The following ABCB11 variants were observed in gnomAD, a reference collection of about 807,000 sequenced individuals.
ABCB11 encodes ATP binding cassette subfamily B member 11.
A neutral mutation model predicts 148.0 loss-of-function variants in ABCB11; 95 were observed. The observed-to-expected ratio is 0.64, with a 90% CI of 0.54 to 0.76. The LOEUF is 0.76. Among genes scored for constraint, ABCB11 ranks in the 30% least tolerant of loss-of-function variants. The pLI, the probability that ABCB11 is intolerant of heterozygous loss-of-function variation, is 0.00. For synonymous variants in ABCB11, 591 were observed against 555.4 expected (o/e 1.06, Z -0.90); for missense variants, 1,523 against 1,617.8 (o/e 0.94, Z 1.01).
intron 5 of ABCB11, among the ~76,000 whole-genome samples, chr2:169,002,496 C>T (rs1694906115): frequency 6.6e-6 from 1 of 152,162 alleles, no homozygotes; most frequent in Non-Finnish European, 1.5e-5. Flanking sequence ...GATATCTACG[C>T]TCCCATGCAC....
At chr2:168,995,029 C>T (rs1694668857) in intron 7 of ABCB11, among the ~76,000 whole-genome samples, 1 of 151,932 alleles carries the variant, frequency 6.6e-6, no homozygotes, top group African/African-American at 2.4e-5. Context: ...TGTTAATGAC[C>T]TAAACTAGGT....
Position 169,000,242 on chromosome 2 carries a change from T to C in ABCB11, c.390-3520A>G, listed in dbSNP as rs79796332. Among the ~76,000 whole-genome samples the C allele has an allele frequency of 2.1e-3, 319 of 152,234 alleles. 9 individuals are homozygous for C. The East Asian group carries it at 0.048, about 23-fold the overall frequency. ...GGATATACAAGTTGCAAATATGTTC[T>C]CCCAGTCAGTAGCTTGTCTTTTCAT... On this transcript the variant is annotated intron_variant, in intron 5 of 27. Transcript: ENST00000650372.
rs1559202292 is a variant in ABCB11, at chr2:168,958,099, A to T, written c.2208T>A (p.Val736=). The change falls in exon 19 of 28, where the codon GTT becomes GTA. Residue 736 remains valine (V), a synonymous_variant. Coordinates refer to ENST00000650372, the MANE Select transcript of ABCB11 (RefSeq NM_003742.4). ...KDKDIPVQEE[V]EPAPVRRILK... is the part of the protein sequence containing the mutation. ...GAATCCTCCTAACTGGGGCAGGTTC[A>T]ACTTCTTCCTGCACAGGAATGTCCT... is the stretch of plus-strand genomic sequence containing the variant. 1 of 1,611,238 alleles carries T rather than the reference A, an allele frequency of 6.2e-7. No individual in the cohort carries two copies. Among genetic ancestry groups the T allele is most frequent in the Non-Finnish European group, 8.5e-7 (1 of 1,178,146 alleles).
At chr2:168,920,404 T>A (rs518598), downstream of ABCB11, among the ~76,000 whole-genome samples, 1 of 151,752 alleles carries the variant, frequency 6.6e-6, no homozygotes, top group Non-Finnish European at 1.5e-5. Context: ...TAAACTCTCT[T>A]GAACTAGACT....
At chr2:168,964,763 G>A (rs1693226751) in intron 17 of ABCB11, among the ~76,000 whole-genome samples, 1 of 151,816 alleles carries the variant, frequency 6.6e-6, no homozygotes, top group African/African-American at 2.4e-5. Context: ...CAAATGATAT[G>A]AGGAAATAGG....
intron 1 of ABCB11, among the ~76,000 whole-genome samples, chr2:169,020,374 C>A (rs1695499345): frequency 6.6e-6 from 1 of 151,410 alleles, no homozygotes; most frequent in Non-Finnish European, 1.5e-5. Flanking sequence ...TGAAAAAGTA[C>A]CAGTAAAATC....
intron 9 of ABCB11, among the ~76,000 whole-genome samples, chr2:168,990,281 T>C (rs75287353): frequency 0.028 from 4,307 of 152,250 alleles, 199 homozygotes; most frequent in African/African-American, 0.099. Flanking sequence ...TCAATCTCCT[T>C]ACTCATTATT....
Position 168,990,905 on chromosome 2 carries a change from G to A in ABCB11, c.804C>T (p.Asp268=). 2 of 1,612,912 alleles carry A rather than the reference G, an allele frequency of 1.2e-6. No homozygotes were observed. Among genetic ancestry groups the A allele is most frequent in the Non-Finnish European group, 1.7e-6 (2 of 1,179,276 alleles). The change falls in exon 9 of 28, where the codon GAC becomes GAT. Residue 268 remains aspartate (D), a synonymous_variant. Coordinates refer to ENST00000650372, the MANE Select transcript of ABCB11 (RefSeq NM_003742.4). ...TIGLSVSKFT[D]YELKAYAKAG... is the part of the protein sequence containing the mutation. ...CTTTGGCATAGGCCTTCAGCTCATA[G>A]TCCGTAAACTTGGACACACTCTAAA...
At chr2:168,928,430 G>A (rs7607790) in intron 25 of ABCB11, among the ~76,000 whole-genome samples, 14,146 of 151,978 alleles carry the variant, frequency 0.093, 685 homozygotes, top group Admixed American at 0.12. Context: ...AATATTGAAC[G>A]CCTACATTTG....
chr2:168,960,113 T>C (rs1693001627), intron 18 of ABCB11, among the ~76,000 whole-genome samples: 2 of 151,610 alleles, frequency 1.3e-5, no homozygotes, highest in African/African-American at 4.8e-5. Flanking sequence ...TGCTCTCAGA[T>C]TCATGTGGGT....
chr2:168,963,301 A>G (rs1252275345), intron 18 of ABCB11, among the ~76,000 whole-genome samples: 1 of 151,794 alleles, frequency 6.6e-6, no homozygotes, highest in Non-Finnish European at 1.5e-5. Flanking sequence ...AAGTTGATTC[A>G]AACACAAATA....
At position 168,994,425 on chromosome 2, in the gene ABCB11, T is replaced by G. The variant is rs917310792; in HGVS notation, c.612-543A>C. On this transcript the variant is annotated intron_variant, in intron 7 of 27. Transcript: ENST00000650372. ...AAGAGTGCAGATTCTGGAGCCAGAC[T>G]AGGAATTTGAATACAGACTCTTGTT... is the stretch of plus-strand genomic sequence containing the variant. 2.6e-5 allele frequency among the ~76,000 whole-genome samples: 4 copies of G among 152,212 alleles called. No individual in the cohort carries two copies. The East Asian group carries it at 5.8e-4, about 22-fold the overall frequency.
chr2:168,996,794 T>C, intron 5 of ABCB11, 72 bp from the exon 6 acceptor site: 3 of 578,182 alleles, frequency 5.2e-6, no homozygotes, highest in South Asian at 4.9e-5. Flanking sequence ...TTTGTGGATA[T>C]AGAGGGATTT....
intron 9 of ABCB11, among the ~76,000 whole-genome samples, chr2:168,989,011 T>C (rs1694425663): frequency 6.6e-6 from 1 of 152,178 alleles, no homozygotes; most frequent in Non-Finnish European, 1.5e-5. Context: ...TTTGTGTTTC[T>C]TATATGTATT....
chr2:169,006,026 A>T (rs1038933625), intron 5 of ABCB11, among the ~76,000 whole-genome samples: 4 of 152,192 alleles, frequency 2.6e-5, no homozygotes, highest in African/African-American at 9.6e-5. Flanking sequence ...ACAGAATGGA[A>T]GGGAACACTG....
Position 168,969,568 on chromosome 2 carries a change from T to C in ABCB11, c.1810-17A>G, listed in dbSNP as rs1380950585. ...ATGCTGAATCTGTAAGAATGTACAG[T>C]GCACCATTAAACAAAACTGTGAGAC... is the stretch of plus-strand genomic sequence containing the variant. On this transcript the variant is annotated splice_polypyrimidine_tract_variant and intron_variant, in intron 15 of 27. Transcript: ENST00000650372. 10 of 1,605,788 alleles carry C rather than the reference T, an allele frequency of 6.2e-6. No individual in the cohort carries two copies. The highest frequency in any genetic ancestry group is 4.5e-5 in the East Asian group (2 of 44,552).
intron 25 of ABCB11, among the ~76,000 whole-genome samples, chr2:168,930,132 A>G (rs1337044572): frequency 6.6e-6 from 1 of 152,222 alleles, no homozygotes; most frequent in Non-Finnish European, 1.5e-5. Context: ...GTTATGAAAA[A>G]TAAATACCAA....
At chr2:168,954,063 C>T (rs1327273079) in intron 19 of ABCB11, among the ~76,000 whole-genome samples, 1 of 151,608 alleles carries the variant, frequency 6.6e-6, no homozygotes, top group Non-Finnish European at 1.5e-5. Context: ...GTCATGGGTG[C>T]ACATCCTCAA....
chr2:169,014,432 G>A, intron 3 of ABCB11, 78 bp from the exon 4 acceptor site: 5 of 1,375,522 alleles, frequency 3.6e-6, no homozygotes, highest in Non-Finnish European at 5.1e-6. Flanking sequence ...GTGATTTTAT[G>A]AGTTATTCTT....
Sources: allele counts gnomAD v4.1 joint callset (sites outside exome capture counted in the v4.1 genomes callset), GRCh38; gene constraint gnomAD v4.1.1; transcripts MANE v1.5; gene names NCBI Gene and HGNC (gene_info 2026-07-23, HGNC 2026-07-21).